The following SLC22A25 variants were observed in gnomAD, a reference collection of about 807,000 sequenced individuals.
The protein encoded by SLC22A25 is MGI:2442751, MGI:2385316, MGI:3042283, MGI:3645714, MGI:3605624, MGI:2442750.
SLC22A25 carries 44 observed loss-of-function variants against 45.9 expected under a neutral mutation model. That is an observed-to-expected ratio of 0.96 (90% CI 0.75 to 1.23). The LOEUF is 1.23. Ranked by LOEUF, SLC22A25 falls within the 50% of genes most tolerant of loss-of-function variation. SLC22A25 has a pLI of 0.00. For missense variants in SLC22A25, 800 were observed against 666.4 expected, an observed-to-expected ratio of 1.20 and a Z score of -2.21; for synonymous variants, 283 against 238.6, an observed-to-expected ratio of 1.19 and a Z score of -1.72.
At chr11:63,223,597 CT>C (rs1247286358) in intron 5 of SLC22A25, among the ~76,000 whole-genome samples, 16 of 151,392 alleles carry the variant, frequency 1.1e-4, no homozygotes, top group South Asian at 2.1e-4. Flanking sequence ...GTTTTGCATT[CT>C]TTTTTTCATT....
At chr11:63,221,886 G>A (rs1311680230) in intron 5 of SLC22A25, among the ~76,000 whole-genome samples, 3 of 152,052 alleles carry the variant, frequency 2.0e-5, no homozygotes, top group Non-Finnish European at 4.4e-5. Flanking sequence ...TAAAGAGACT[G>A]TCCTTTTCCC....
At chr11:63,217,909 CTGTT>C (rs1328553445) in intron 5 of SLC22A25, among the ~76,000 whole-genome samples, 174 bp from the exon 6 acceptor site, 1 of 152,218 alleles carries the variant, frequency 6.6e-6, no homozygotes, top group Admixed American at 6.5e-5. Flanking sequence ...GGAATGTTCT[CTGTT>C]TGTAAATAGA....
chr11:63,174,205 T>C (rs1411205538), intron 9 of SLC22A25, among the ~76,000 whole-genome samples: 6 of 152,180 alleles, frequency 3.9e-5, no homozygotes, highest in Admixed American at 3.9e-4. Context: ...TCCAGCTTCA[T>C]CCATGTCCCT....
chr11:63,243,394 G>A (rs1188668883), intron 1 of SLC22A25, 40 bp downstream of exon 1: 1 of 695,008 alleles, frequency 1.4e-6, no homozygotes, highest in African/African-American at 1.7e-5. Context: ...GTGAGGAACA[G>A]AAGTGTGAAG....
At chr11:63,212,865 C>T (rs1357147055) in intron 7 of SLC22A25, among the ~76,000 whole-genome samples, 6 of 151,774 alleles carry the variant, frequency 4.0e-5, no homozygotes, top group African/African-American at 9.7e-5. Flanking sequence ...GAGGCTTTTG[C>T]ACCACCTAGT....
At position 63,232,190 on chromosome 11, in the gene SLC22A25, G is replaced by A. The variant is rs188255698; in HGVS notation, c.-444-2094C>T. On this transcript the variant is annotated intron_variant, in intron 3 of 11. Transcript: ENST00000306494. ...TGAAGAAAGTCATTGGTAGCTTGAT[G>A]GGGATGGCATTGAATCTATAAAAGA... 5.4e-3 allele frequency among the ~76,000 whole-genome samples: 823 copies of A among 152,248 alleles called. 9 individuals are homozygous for A. The highest frequency in any genetic ancestry group is 7.9e-3 in the Non-Finnish European group (536 of 68,004).
chr11:63,243,594 T>C lies in SLC22A25; in HGVS notation c.-1156A>G, dbSNP rs1352196463. 7 of 768,594 alleles carry C rather than the reference T, an allele frequency of 9.1e-6. No homozygotes were observed. The highest frequency in any genetic ancestry group is 1.7e-5 in the Non-Finnish European group (7 of 412,476). The allele number at this position is 768,594 out of a possible 1,614,324, so 47.6% of individuals were successfully genotyped here. On this transcript the variant is annotated 5_prime_UTR_variant, in exon 1 of 12. Coordinates refer to ENST00000306494, the MANE Select transcript of SLC22A25 (RefSeq NM_199352.6). ...AACTCCATCAAGCCTCAGGAGCTGC[T>C]GGAGTGGGAACTGGTGGTGTTGGGA...
At chr11:63,202,055 C>T (rs953049395) in intron 7 of SLC22A25, among the ~76,000 whole-genome samples, 6 of 152,246 alleles carry the variant, frequency 3.9e-5, no homozygotes, top group African/African-American at 1.4e-4. Flanking sequence ...GGGTAACTCA[C>T]TCCCCTAGCC....
At chr11:63,214,293 A>G (rs368771010) in intron 7 of SLC22A25, among the ~76,000 whole-genome samples, 36 of 152,376 alleles carry the variant, frequency 2.4e-4, no homozygotes, top group African/African-American at 8.2e-4. Context: ...CATTAACAAA[A>G]TATCAGCCGC....
At chr11:63,189,374 T>C (rs964114563) in intron 7 of SLC22A25, among the ~76,000 whole-genome samples, 1 of 151,996 alleles carries the variant, frequency 6.6e-6, no homozygotes, top group African/African-American at 2.4e-5. Context: ...CTACCCCTGC[T>C]TTTTTTTGTT....
At chr11:63,233,576 CA>C (rs1391825979) in intron 3 of SLC22A25, among the ~76,000 whole-genome samples, 1 of 152,024 alleles carries the variant, frequency 6.6e-6, no homozygotes, top group Non-Finnish European at 1.5e-5. Context: ...TTGATCTTTT[CA>C]AAAAACCAGC....
intron 7 of SLC22A25, among the ~76,000 whole-genome samples, chr11:63,193,555 C>T (rs1225603754): frequency 1.3e-5 from 2 of 152,214 alleles, no homozygotes; most frequent in African/African-American, 4.8e-5. Context: ...CTCCAACAGA[C>T]CTGCAGCTGA....
At chr11:63,230,370 T>G (rs2090044405) in intron 3 of SLC22A25, among the ~76,000 whole-genome samples, 1 of 152,230 alleles carries the variant, frequency 6.6e-6, no homozygotes, top group South Asian at 2.1e-4. Flanking sequence ...TTATTGATTC[T>G]TTCAGATATT....
chr11:63,237,373 C>T (rs11826338), intron 3 of SLC22A25, among the ~76,000 whole-genome samples: 3,460 of 152,176 alleles, frequency 0.023, 132 homozygotes, highest in African/African-American at 0.076. Context: ...GTGGATATCG[C>T]GGAGGTGGGT....
chr11:63,180,107 G>A (rs551479473), intron 9 of SLC22A25, among the ~76,000 whole-genome samples: 1 of 152,204 alleles, frequency 6.6e-6, no homozygotes, highest in South Asian at 2.1e-4. Context: ...CTCATCTGGG[G>A]CATTACAATG....
chr11:63,177,153 C>G (rs1255918692), intron 9 of SLC22A25, among the ~76,000 whole-genome samples: 4 of 151,962 alleles, frequency 2.6e-5, no homozygotes, highest in African/African-American at 9.7e-5. Flanking sequence ...ACTTCTCTTG[C>G]TGCTTTCAAA....
chr11:63,178,175 G>A (rs1478069596), intron 9 of SLC22A25, among the ~76,000 whole-genome samples: 3 of 151,798 alleles, frequency 2.0e-5, no homozygotes, highest in Non-Finnish European at 4.4e-5. Context: ...ACAGGTGTGG[G>A]CCACCACGCC....
chr11:63,166,154 G>A lies in SLC22A25; in HGVS notation c.1175C>T (p.Ala392Val). 6.2e-7 allele frequency: 1 copy of A among 1,614,022 alleles called. No individual in the cohort carries two copies. ...CAGTGCCCAAGGTGCAACACAATTG[G>A]CCAGGAGGGTGACTGCACCAAAGAG... is the stretch of plus-strand genomic sequence containing the variant. ...QTLFGAVTLL[A>V]NCVAPWALNH... Residue 392 changes from alanine (A) to valine (V), a missense_variant, in exon 10 of 12, where the codon GCC becomes GTC. Transcript: ENST00000306494.
intron 1 of SLC22A25, chr11:63,243,111 C>T (rs981162667): frequency 3.6e-5 from 6 of 168,710 alleles, no homozygotes; most frequent in Admixed American, 2.4e-4. Context: ...GTGAGGTAGA[C>T]CCGGTCCTCA....
Sources: allele counts gnomAD v4.1 joint callset (sites outside exome capture counted in the v4.1 genomes callset), GRCh38; gene constraint gnomAD v4.1.1; transcripts MANE v1.5; gene names NCBI Gene and HGNC (gene_info 2026-07-23, HGNC 2026-07-21).